Variants in TMEM200A observed in about 807,000 individuals in gnomAD.
TMEM200A encodes the protein transmembrane protein 200A.
Under a neutral mutation model 24.3 loss-of-function variants are expected in TMEM200A, and 12 were observed. The observed-to-expected ratio is 0.49, with a 90% CI of 0.32 to 0.80. The LOEUF is 0.80. Among genes scored for constraint, TMEM200A ranks in the 30% least tolerant of loss-of-function variants. TMEM200A has a pLI of 0.04. For synonymous variants in TMEM200A, 224 were observed against 224.4 expected, an observed-to-expected ratio of 1.00 and a Z score of 0.02; for missense variants, 545 against 614.4, an observed-to-expected ratio of 0.89 and a Z score of 1.19.
At chr6:130,387,054 A>G (rs911976906) in intron 2 of TMEM200A, among the ~76,000 whole-genome samples, 16 of 152,310 alleles carry the variant, frequency 1.1e-4, no homozygotes, top group African/African-American at 3.6e-4. Context: ...ATCAATGCTA[A>G]GAGGACTTGA....
intron 1 of TMEM200A, among the ~76,000 whole-genome samples, chr6:130,377,927 G>A (rs572993199): frequency 6.6e-6 from 1 of 152,184 alleles, no homozygotes; most frequent in South Asian, 2.1e-4. Context: ...CTCTGATAAG[G>A]TCTGACATTT....
chr6:130,379,817 T>G (rs1263503060), intron 1 of TMEM200A, among the ~76,000 whole-genome samples: 2 of 152,160 alleles, frequency 1.3e-5, no homozygotes, highest in African/African-American at 4.8e-5. Context: ...ATCATTAGTA[T>G]GTAGTTGATA....
chr6:130,441,337 A>AGAT lies in TMEM200A; in HGVS notation c.916_918dup (p.Asp306dup). 6.2e-7 allele frequency: 1 copy of AGAT among 1,614,164 alleles called. No homozygotes were observed. Reference sequence around the variant, plus strand: ...ACTGTGTTATTGATGAGCCCAGTATAGATAACATCACTGAAGATGCTGACA... The same window carrying AGAT: ...ACTGTGTTATTGATGAGCCCAGTATAGATGATAACATCACTGAAGATGCTGACA... On this transcript the variant is annotated inframe_insertion, in exon 3 of 3. Coordinates refer to ENST00000296978, the MANE Select transcript of TMEM200A (RefSeq NM_001258277.2).
At chr6:130,426,499 G>C (rs1394453356) in intron 2 of TMEM200A, among the ~76,000 whole-genome samples, 1 of 148,432 alleles carries the variant, frequency 6.7e-6, no homozygotes, top group Non-Finnish European at 1.5e-5. Flanking sequence ...CAAGGCTGAA[G>C]ATCTCTGTCC....
intron 2 of TMEM200A, among the ~76,000 whole-genome samples, chr6:130,402,531 A>G (rs181341926): frequency 6.6e-5 from 10 of 152,140 alleles, no homozygotes; most frequent in African/African-American, 2.2e-4. Context: ...ACTTGACTCT[A>G]TCAATTATTC....
chr6:130,439,933 A>G (rs559064259), intron 2 of TMEM200A, among the ~76,000 whole-genome samples: 2 of 152,212 alleles, frequency 1.3e-5, no homozygotes, highest in South Asian at 4.2e-4. Context: ...CCTCTTTGTC[A>G]GTCTGGAGTG....
At chr6:130,373,814 CA>C (rs1778376284) in intron 1 of TMEM200A, among the ~76,000 whole-genome samples, 1 of 152,086 alleles carries the variant, frequency 6.6e-6, no homozygotes, top group Admixed American at 6.6e-5. Context: ...AACTGATTTT[CA>C]AATAACTGAA....
intron 2 of TMEM200A, among the ~76,000 whole-genome samples, chr6:130,394,181 A>G (rs899886597): frequency 9.2e-5 from 14 of 152,118 alleles, no homozygotes; most frequent in South Asian, 2.1e-4. Flanking sequence ...TGATTGTTCT[A>G]TATTGAGGGA....
intron 2 of TMEM200A, among the ~76,000 whole-genome samples, chr6:130,435,713 T>G (rs1779986690): frequency 6.6e-6 from 1 of 152,334 alleles, no homozygotes; most frequent in South Asian, 2.1e-4. Flanking sequence ...CCAAAGAGAC[T>G]GATAAGCAGA....
chr6:130,436,060 T>C (rs1780000204), intron 2 of TMEM200A, among the ~76,000 whole-genome samples: 1 of 152,134 alleles, frequency 6.6e-6, no homozygotes, highest in South Asian at 2.1e-4. Context: ...GCATTTGGTG[T>C]TATGGAAACA....
chr6:130,386,753 G>T lies in TMEM200A; in HGVS notation c.-17+1517G>T, dbSNP rs72992464. Reference sequence around the variant, plus strand: ...ACCCCCAAGAAATTGTAAGAATGTCGTTTCGACAGATAGGAGCTTGGAGCA... The same window carrying T: ...ACCCCCAAGAAATTGTAAGAATGTCTTTTCGACAGATAGGAGCTTGGAGCA... On this transcript the variant is annotated intron_variant, in intron 2 of 2. Transcript: ENST00000296978. Among the ~76,000 whole-genome samples the T allele has an allele frequency of 1.5e-3, 236 of 152,272 alleles. 1 individual carries two copies. The highest frequency in any genetic ancestry group is 2.2e-3 in the Non-Finnish European group (153 of 68,030).
chr6:130,433,919 A>C (rs966277163), intron 2 of TMEM200A, among the ~76,000 whole-genome samples: 2 of 152,204 alleles, frequency 1.3e-5, no homozygotes, highest in Admixed American at 1.3e-4. Flanking sequence ...ACCCTCATTT[A>C]TGTGCCAAGC....
chr6:130,424,643 C>G (rs1393534861), intron 2 of TMEM200A, among the ~76,000 whole-genome samples: 1 of 151,928 alleles, frequency 6.6e-6, no homozygotes, highest in African/African-American at 2.4e-5. Flanking sequence ...TGAATGAGTC[C>G]TGAGATCACC....
intron 2 of TMEM200A, chr6:130,421,109 C>T (rs956912442): frequency 2.0e-5 from 3 of 152,186 alleles, no homozygotes; most frequent in African/African-American, 7.2e-5. Flanking sequence ...CTCAGTGGCT[C>T]TCAAACCTCA....
At chr6:130,377,579 A>C (rs1484949004) in intron 1 of TMEM200A, among the ~76,000 whole-genome samples, 7 of 152,260 alleles carry the variant, frequency 4.6e-5, no homozygotes, top group Middle Eastern at 3.4e-3. Context: ...TTCAGAGTAC[A>C]GTGACCTAAG....
intron 1 of TMEM200A, among the ~76,000 whole-genome samples, chr6:130,369,361 A>G (rs1778260036): frequency 6.6e-6 from 1 of 152,176 alleles, no homozygotes; most frequent in African/African-American, 2.4e-5. Flanking sequence ...GAGAAGCTAA[A>G]GCTCACTTTG....
intron 1 of TMEM200A, among the ~76,000 whole-genome samples, chr6:130,367,230 C>T (rs915634384): frequency 4.6e-5 from 7 of 152,112 alleles, no homozygotes; most frequent in African/African-American, 1.4e-4. Flanking sequence ...AGGTAATTGA[C>T]TAATTGGAAT....
chr6:130,404,980 A>G (rs959212701), intron 2 of TMEM200A, among the ~76,000 whole-genome samples: 1 of 151,892 alleles, frequency 6.6e-6, no homozygotes, highest in Non-Finnish European at 1.5e-5. Flanking sequence ...TTGTGCGGTT[A>G]TTTCTGGGAT....
intron 2 of TMEM200A, among the ~76,000 whole-genome samples, chr6:130,405,950 C>A (rs1319901030): frequency 1.3e-5 from 2 of 152,148 alleles, no homozygotes; most frequent in African/African-American, 2.4e-5. Flanking sequence ...GCAAAACCAG[C>A]AATTTCATCT....
Sources: gnomAD v4.1 joint callset for allele counts (sites outside exome capture counted in the v4.1 genomes callset) on GRCh38, gnomAD v4.1.1 for gene constraint, MANE v1.5 for transcripts, NCBI Gene and HGNC (gene_info 2026-07-23, HGNC 2026-07-21) for gene names.